The following NTM variants were observed in gnomAD, a reference collection of about 807,000 sequenced individuals.
NTM encodes the protein neurotrimin.
In NTM, 13 loss-of-function variants were observed where a neutral mutation model predicts 42.1. The observed-to-expected ratio is 0.31, with a 90% CI of 0.20 to 0.49. The LOEUF is 0.49. NTM is among the 20% of genes least tolerant of loss of function. The pLI is 0.99. For missense variants in NTM, 373 were observed against 452.8 expected (o/e 0.82, Z 1.60); for synonymous variants, 187 against 179.2 (o/e 1.04, Z -0.35).
chr11:131,666,951 G>C (rs1014255970), intron 1 of NTM, among the ~76,000 whole-genome samples: 4 of 152,162 alleles, frequency 2.6e-5, no homozygotes, highest in Non-Finnish European at 4.4e-5. Flanking sequence ...CATGCACTGG[G>C]GTCTGGGGCC....
At position 132,037,341 on chromosome 11, in the gene NTM, G is replaced by A. The variant is rs370450908; in HGVS notation, c.168-108941G>A. Among the ~76,000 whole-genome samples, 30 of 152,248 alleles carry A rather than the reference G, an allele frequency of 2.0e-4. No homozygotes were observed. The East Asian group carries it at 3.3e-3, about 17-fold the overall frequency. ...TCAGCCATGAGGGGAAGCAGCCTGA[G>A]GCCCTCACTGCCACGCTTCTTGTGC... On this transcript the variant is annotated intron_variant, in intron 2 of 8. Coordinates refer to ENST00000683400, the MANE Select transcript of NTM (RefSeq NM_001352005.2).
At chr11:131,705,067 A>G (rs1374227042) in intron 1 of NTM, among the ~76,000 whole-genome samples, 1 of 152,248 alleles carries the variant, frequency 6.6e-6, no homozygotes, top group African/African-American at 2.4e-5. Context: ...ATTTAAAGAC[A>G]TAATGACAAA....
At chr11:131,976,011 T>C (rs1286047369) in intron 2 of NTM, among the ~76,000 whole-genome samples, 2 of 152,116 alleles carry the variant, frequency 1.3e-5, no homozygotes, top group African/African-American at 4.8e-5. Context: ...CCTGGGGTCT[T>C]GTTACCTGCT....
intron 1 of NTM, among the ~76,000 whole-genome samples, chr11:131,828,452 A>G (rs1193096856): frequency 6.6e-6 from 1 of 151,944 alleles, no homozygotes; most frequent in Non-Finnish European, 1.5e-5. Context: ...TTTCATCTAC[A>G]TTGCCAACAT....
intron 1 of NTM, chr11:131,911,175 CT>C: frequency 1.5e-6 from 2 of 1,339,972 alleles, no homozygotes; most frequent in Non-Finnish European, 1.9e-6. Context: ...GCGCCCACAC[CT>C]TTCACCTGCC....
At chr11:131,871,546 C>T (rs765381578) in intron 1 of NTM, among the ~76,000 whole-genome samples, 10 of 152,200 alleles carry the variant, frequency 6.6e-5, no homozygotes, top group Admixed American at 3.9e-4. Flanking sequence ...AGCGATCAAA[C>T]ATTGTTTATG....
intron 1 of NTM, among the ~76,000 whole-genome samples, chr11:131,508,633 C>G (rs1322429042): frequency 1.3e-5 from 2 of 150,314 alleles, no homozygotes; most frequent in African/African-American, 4.9e-5. Context: ...TTGGAACCAA[C>G]CCAAATGTCC....
intron 1 of NTM, among the ~76,000 whole-genome samples, chr11:131,633,894 T>G (rs556086104): frequency 7.9e-5 from 12 of 151,906 alleles, no homozygotes; most frequent in African/African-American, 2.9e-4. Flanking sequence ...AGAGAGTGAT[T>G]TCTGAATCAA....
chr11:132,170,921 C>G (rs1321587704), intron 3 of NTM, among the ~76,000 whole-genome samples: 3 of 152,142 alleles, frequency 2.0e-5, no homozygotes, highest in Non-Finnish European at 4.4e-5. Flanking sequence ...CTATTGTAGT[C>G]CTTAAGTCTT....
chr11:131,802,037 A>G lies in NTM; in HGVS notation c.83-109527A>G, dbSNP rs75488139. ...AATTTTTTTAGGTGCAGTATAATAAAAAAAATTAAAATCCTAAAAAAACTA... is the reference window on the plus strand; with the variant it reads ...AATTTTTTTAGGTGCAGTATAATAAGAAAAATTAAAATCCTAAAAAAACTA... On this transcript the variant is annotated intron_variant, in intron 1 of 8. Coordinates refer to ENST00000683400, the MANE Select transcript of NTM (RefSeq NM_001352005.2). 8.6e-3 allele frequency among the ~76,000 whole-genome samples: 1,317 copies of G among 152,306 alleles called. 10 individuals are homozygous for G. The highest frequency in any genetic ancestry group is 0.015 in the Non-Finnish European group (1,028 of 68,028).
intron 4 of NTM, among the ~76,000 whole-genome samples, chr11:132,240,228 A>G (rs2089961080): frequency 6.6e-6 from 1 of 152,262 alleles, no homozygotes; most frequent in Admixed American, 6.5e-5. Flanking sequence ...ACAAATATAA[A>G]TAACTTTTTG....
At chr11:131,936,511 A>C (rs972741126) in intron 2 of NTM, among the ~76,000 whole-genome samples, 1 of 152,200 alleles carries the variant, frequency 6.6e-6, no homozygotes, top group African/African-American at 2.4e-5. Context: ...GTAGGAGGTG[A>C]GGGTTGGAAA....
intron 1 of NTM, among the ~76,000 whole-genome samples, chr11:131,482,173 C>A (rs952403149): frequency 3.3e-5 from 5 of 152,242 alleles, no homozygotes; most frequent in Non-Finnish European, 5.9e-5. Context: ...TTAGAGCTAC[C>A]TTTTATATTC....
chr11:132,223,296 G>A (rs2085527253), intron 4 of NTM, among the ~76,000 whole-genome samples: 1 of 152,188 alleles, frequency 6.6e-6, no homozygotes, highest in Admixed American at 6.5e-5. Flanking sequence ...AGGAAGCCCT[G>A]TAATATGTTA....
intron 4 of NTM, among the ~76,000 whole-genome samples, chr11:132,229,552 A>G (rs1418083893): frequency 6.6e-6 from 1 of 152,198 alleles, no homozygotes; most frequent in Non-Finnish European, 1.5e-5. Flanking sequence ...GATTCCAACA[A>G]CTGTCTGCAG....
chr11:131,887,286 T>C (rs912737992), intron 1 of NTM, among the ~76,000 whole-genome samples: 5 of 152,248 alleles, frequency 3.3e-5, no homozygotes, highest in African/African-American at 9.6e-5. Context: ...TTGTCAATTA[T>C]ATCTCAATAA....
At chr11:131,692,886 A>T (rs1281490001) in intron 1 of NTM, among the ~76,000 whole-genome samples, 3 of 152,220 alleles carry the variant, frequency 2.0e-5, no homozygotes, top group Admixed American at 2.0e-4. Context: ...GTCACTGAGC[A>T]TTCAGGGTTA....
intron 2 of NTM, among the ~76,000 whole-genome samples, chr11:131,950,159 A>G (rs769243876): frequency 1.3e-5 from 2 of 152,080 alleles, no homozygotes; most frequent in African/African-American, 2.4e-5. Context: ...CTTCAGTGCC[A>G]CTTGCCTGGG....
At chr11:131,569,637 G>A (rs1003846538) in intron 1 of NTM, among the ~76,000 whole-genome samples, 5 of 145,976 alleles carry the variant, frequency 3.4e-5, no homozygotes, top group African/African-American at 1.3e-4. Flanking sequence ...GACTACAGTA[G>A]GGTGATCACA....
Sources: gnomAD v4.1 joint callset for allele counts (sites outside exome capture counted in the v4.1 genomes callset) on GRCh38, gnomAD v4.1.1 for gene constraint, MANE v1.5 for transcripts, NCBI Gene and HGNC (gene_info 2026-07-23, HGNC 2026-07-21) for gene names.